CUL3: variants seen among roughly 807,000 people sequenced by gnomAD.
The protein encoded by CUL3 is cullin 3.
A neutral mutation model predicts 89.1 loss-of-function variants in CUL3; 19 were observed. That is an observed-to-expected ratio of 0.21 (90% CI 0.15 to 0.31). CUL3 has a LOEUF of 0.31. Among genes scored for constraint, CUL3 ranks in the 10% least tolerant of loss-of-function variants. CUL3 has a pLI of 1.00. For synonymous variants in CUL3, 351 were observed against 308.4 expected (o/e 1.14, Z -1.45); for missense variants, 469 against 942.3 (o/e 0.50, Z 6.58).
chr2:224,551,208 T>C (rs1288867989), intron 2 of CUL3, among the ~76,000 whole-genome samples: 1 of 149,922 alleles, frequency 6.7e-6, no homozygotes, highest in African/African-American at 2.4e-5. Context: ...CCCGGCAATT[T>C]TTTTTTTTTT....
At chr2:224,553,592 C>A (rs1694596946) in intron 2 of CUL3, among the ~76,000 whole-genome samples, 1 of 152,038 alleles carries the variant, frequency 6.6e-6, no homozygotes, top group Non-Finnish European at 1.5e-5. Context: ...AACCCTAATC[C>A]CAAATGTGAT....
At chr2:224,584,285 C>CG (rs201309337) in intron 1 of CUL3, among the ~76,000 whole-genome samples, 3 of 152,076 alleles carry the variant, frequency 2.0e-5, no homozygotes, top group Non-Finnish European at 1.5e-5. Context: ...TTGCTTCCCC[C>CG]CCACCCGGCC....
Position 224,535,606 on chromosome 2 carries a change from GT to G in CUL3, c.299del (p.Asn100ThrfsTer6), listed in dbSNP as rs1693868539. 1 of 1,613,314 alleles carries G rather than the reference GT, an allele frequency of 6.2e-7. No individual in the cohort carries two copies. Among genetic ancestry groups the G allele is most frequent in the African/African-American group, 1.3e-5 (1 of 74,910 alleles). ...AAGCTTGATTTAGCGTTTGAAGAAA[GT>G]TGTTATTCAATGAATTTAGTACATC... is the stretch of plus-strand genomic sequence containing the variant. ...REDVLNSLNNNFLQTLNQAWN... is the reference protein window; with the variant it reads ...REDVLNSLNNXFLQTLNQAWN... On this transcript the variant is annotated frameshift_variant, in exon 3 of 16. Transcript: ENST00000264414. LOFTEE classifies it high-confidence loss of function.
chr2:224,493,914 A>G (rs1175776211), intron 13 of CUL3, among the ~76,000 whole-genome samples: 1 of 152,138 alleles, frequency 6.6e-6, no homozygotes, highest in East Asian at 1.9e-4. Context: ...TATTCTTGGG[A>G]CTCAATCAAA....
intron 15 of CUL3, among the ~76,000 whole-genome samples, chr2:224,475,814 T>C (rs969884490): frequency 6.6e-6 from 1 of 152,284 alleles, no homozygotes. Context: ...TTTGGTCCTA[T>C]CCCATAAACA....
intron 3 of CUL3, among the ~76,000 whole-genome samples, chr2:224,525,640 TAAAC>T (rs1408418569): frequency 6.6e-6 from 1 of 152,212 alleles, no homozygotes; most frequent in Admixed American, 6.5e-5. Context: ...TAGGATTAAA[TAAAC>T]ATACATAAAG....
intron 1 of CUL3, among the ~76,000 whole-genome samples, chr2:224,582,211 C>T (rs1350903914): frequency 6.6e-6 from 1 of 152,220 alleles, no homozygotes; most frequent in Admixed American, 6.5e-5. Flanking sequence ...AGGTGATCCA[C>T]CTGCCTCGGC....
intron 5 of CUL3, 107 bp downstream of exon 5, chr2:224,513,417 C>A: frequency 1.3e-6 from 1 of 748,072 alleles, no homozygotes; most frequent in Non-Finnish European, 2.2e-6. Context: ...ACTCCCCTCC[C>A]TTAATGGGTC....
intron 15 of CUL3, among the ~76,000 whole-genome samples, chr2:224,477,037 A>G (rs569900830): frequency 6.6e-6 from 1 of 152,314 alleles, no homozygotes; most frequent in South Asian, 2.1e-4. Context: ...CGTAATTGCC[A>G]AAGTGTTTAT....
chr2:224,584,969 G>A lies in CUL3; in HGVS notation c.41C>T (p.Thr14Ile). 2.7e-6 allele frequency: 4 copies of A among 1,507,444 alleles called. No homozygotes were observed. The highest frequency in any genetic ancestry group is 2.3e-5 in the South Asian group (2 of 85,528). 93.4% of individuals were successfully genotyped at this position (1,507,444 alleles called of 1,614,324 possible). Residue 14 changes from threonine to isoleucine, a missense_variant, in exon 1 of 16, where the codon ACC (threonine) becomes ATC (isoleucine). Physicochemically the swap from Thr to Ile is moderately conservative, Grantham distance 89. Coordinates refer to ENST00000264414, the MANE Select transcript of CUL3 (RefSeq NM_003590.5). ...LSKGTGSRKDTKMRIRAFPMT... is the reference protein window; with the variant it reads ...LSKGTGSRKDIKMRIRAFPMT... ...CGGAAAGGCCCGGATCCGCATCTTG[G>A]TGTCCTTCCGGCTGCCCGTGCCTTT...
rs529784766 is a variant in CUL3 at position 224,556,075 on chromosome 2, C to T, written c.264+1584G>A. On this transcript the variant is annotated intron_variant, in intron 2 of 15. Transcript: ENST00000264414. ...ACCTTGCTTCATAAGATACTAACTG[C>T]GTGGCTCATGTAATTCCCTTTAAGA... is the stretch of plus-strand genomic sequence containing the variant. 8.6e-4 allele frequency among the ~76,000 whole-genome samples: 131 copies of T among 152,186 alleles called. 1 individual carries two copies. The highest frequency in any genetic ancestry group is 8.2e-3 in the Admixed American group (125 of 15,278).
chr2:224,487,299 C>T (rs1388918971), intron 13 of CUL3, among the ~76,000 whole-genome samples: 2 of 151,892 alleles, frequency 1.3e-5, no homozygotes, highest in Non-Finnish European at 2.9e-5. Context: ...GCTAAATGCC[C>T]CAATTAAAAG....
intron 2 of CUL3, among the ~76,000 whole-genome samples, chr2:224,540,053 C>T (rs1439159398): frequency 8.8e-6 from 1 of 113,510 alleles, no homozygotes; most frequent in African/African-American, 4.0e-5. Context: ...ACCTTCCATC[C>T]TCCACCTTTT....
chr2:224,558,868 T>G lies in CUL3; in HGVS notation c.67-1012A>C, dbSNP rs1251616548. Reference sequence around the variant, plus strand: ...CCATCCTGGCTAATACGGTCTCTACTAAATATACAAAAAATATACTAAATA... The same window carrying G: ...CCATCCTGGCTAATACGGTCTCTACGAAATATACAAAAAATATACTAAATA... On this transcript the variant is annotated intron_variant, in intron 1 of 15. Transcript: ENST00000264414. Among the ~76,000 whole-genome samples, 6 of 10,902 alleles carry G rather than the reference T, an allele frequency of 5.5e-4. No homozygotes were observed. The African/African-American group carries it at 8.1e-3, about 15-fold the overall frequency. 7.2% of individuals were successfully genotyped at this position (10,902 alleles called of 152,430 possible). A position where few individuals can be genotyped will look rare whatever the true frequency, so the allele number is the denominator to read the frequency against.
At chr2:224,547,622 AACTC>A (rs924814949) in intron 2 of CUL3, among the ~76,000 whole-genome samples, 1 of 152,098 alleles carries the variant, frequency 6.6e-6, no homozygotes, top group African/African-American at 2.4e-5. Context: ...ACATAGGAGA[AACTC>A]AATCTCTGTG....
intron 13 of CUL3, 155 bp downstream of exon 13, chr2:224,495,677 G>A (rs553561515): frequency 1.8e-6 from 1 of 547,232 alleles, no homozygotes; most frequent in African/African-American, 1.9e-5. Context: ...CTCAATACAT[G>A]TATGATGTTC....
chr2:224,549,452 T>G (rs567351369), intron 2 of CUL3, among the ~76,000 whole-genome samples: 2 of 152,320 alleles, frequency 1.3e-5, no homozygotes, highest in African/African-American at 4.8e-5. Context: ...TAATCATAAT[T>G]TTTAAAGTTC....
At chr2:224,545,266 C>G (rs1694252617) in intron 2 of CUL3, among the ~76,000 whole-genome samples, 2 of 151,864 alleles carry the variant, frequency 1.3e-5, no homozygotes, top group Admixed American at 1.3e-4. Context: ...CTGTGTTATT[C>G]TCATTATTTT....
intron 2 of CUL3, among the ~76,000 whole-genome samples, chr2:224,536,621 T>G (rs1693908755): frequency 6.6e-6 from 1 of 152,140 alleles, no homozygotes; most frequent in South Asian, 2.1e-4. Flanking sequence ...ACCTCCAACA[T>G]AAGCACTTTC....
Sources: gnomAD v4.1 joint callset for allele counts (sites outside exome capture counted in the v4.1 genomes callset) on GRCh38, gnomAD v4.1.1 for gene constraint, MANE v1.5 for transcripts, NCBI Gene and HGNC (gene_info 2026-07-23, HGNC 2026-07-21) for gene names.